Variants in EDC4 observed in about 807,000 individuals in gnomAD.
EDC4 encodes the protein enhancer of mRNA decapping 4, also known as enhancer of mRNA-decapping protein 4.
Under a neutral mutation model 155.8 loss-of-function variants are expected in EDC4, and 64 were observed. That is an observed-to-expected ratio of 0.41 (90% CI 0.34 to 0.51). EDC4 has a LOEUF of 0.51. Ranked by LOEUF, EDC4 falls within the 20% of genes least tolerant of loss-of-function variation. The pLI is 0.19. For missense variants in EDC4, 1,303 were observed against 1,812.5 expected (o/e 0.72, Z 5.10); for synonymous variants, 684 against 716.8 (o/e 0.95, Z 0.73).
Position 67,877,981 on chromosome 16 carries a change from C to T in EDC4, c.894+136C>T. The stretch of plus-strand genomic sequence containing the variant: ...GACTCTGAGCTCAAATTGGCCCTCA[C>T]CTGTGCAGCTTTCTCCTTATCTAGC... On this transcript the variant is annotated intron_variant, in intron 7 of 28. Transcript: ENST00000358933. This position sits in a 1 kb window ranked among gnomAD's most constrained non-coding sequence, Gnocchi z 4.9. 4.7e-6 allele frequency: 7 copies of T among 1,493,442 alleles called. No homozygotes were observed. The highest frequency in any genetic ancestry group is 1.3e-5 in the South Asian group (1 of 77,620). The allele number at this position is 1,493,442 out of a possible 1,614,324, so 92.5% of individuals were successfully genotyped here. A position where few individuals can be genotyped will look rare whatever the true frequency, so the allele number is the denominator to read the frequency against.
chr16:67,884,037 G>A lies in EDC4; in HGVS notation c.4095G>A (p.Val1365=). The A allele has an allele frequency of 1.2e-6, 2 of 1,614,128 alleles. No individual in the cohort carries two copies. The highest frequency in any genetic ancestry group is 1.7e-6 in the Non-Finnish European group (2 of 1,180,016). Residue 1365 remains valine (V), a synonymous_variant, in exon 29 of 29, where the codon GTG becomes GTA. Coordinates refer to ENST00000358933, the MANE Select transcript of EDC4 (RefSeq NM_014329.5). The surrounding 1 kb of genome is among the most constrained non-coding windows in gnomAD (Gnocchi z 4.1). ...RDHMGSVMAQ[V]RQKLFQFLQA... The stretch of plus-strand genomic sequence containing the variant: ...ACATGGGCTCCGTTATGGCCCAGGT[G>A]CGCCAAAAGCTTTTTCAGTTCCTGC...
rs768955365 is a variant in EDC4, at chr16:67,881,107, A to G, written c.2563A>G (p.Ser855Gly). Residue 855 changes from serine to glycine, a missense_variant, in exon 19 of 29, where the codon AGC becomes GGC. Around this residue, in one of 5 missense-constraint regions of EDC4, gnomAD observed 527 missense variants for 757.0 expected, o/e 0.70. Coordinates refer to ENST00000358933, the MANE Select transcript of EDC4 (RefSeq NM_014329.5). The surrounding 1 kb of genome is among the most constrained non-coding windows in gnomAD (Gnocchi z 5.4). Reference sequence around the variant, plus strand: ...GAATGGCCTTCAGGAAAAGCACAAGAGCCTGGCCTTCCACCGACCACCATA... The same window carrying G: ...GAATGGCCTTCAGGAAAAGCACAAGGGCCTGGCCTTCCACCGACCACCATA... ...PRNGLQEKHK[S>G]LAFHRPPYHL... The G allele has an allele frequency of 6.2e-7, 1 of 1,613,954 alleles. No homozygotes were observed. Among genetic ancestry groups the G allele is most frequent in the South Asian group, 1.1e-5 (1 of 91,070 alleles).
Position 67,877,061 on chromosome 16 carries a change from A to T in EDC4, c.451+89A>T. 6.4e-7 allele frequency: 1 copy of T among 1,568,170 alleles called. No individual in the cohort carries two copies. The highest frequency in any genetic ancestry group is 8.7e-7 in the Non-Finnish European group (1 of 1,155,696). The stretch of plus-strand genomic sequence containing the variant: ...ATCAGGCCACTCAGGCCTTAGGGGT[A>T]CAATGGAAGGTTTGTCCATGCTGCC... On this transcript the variant is annotated intron_variant, in intron 4 of 28. Transcript: ENST00000358933. This position sits in a 1 kb window ranked among gnomAD's most constrained non-coding sequence, Gnocchi z 4.9.
At position 67,884,156 on chromosome 16, in the gene EDC4, G is replaced by C; in HGVS notation, c.*8G>C. ...ACCCCCAGCCTCCCTTAGCTGCTAA[G>C]CCTGCCTTGCCCAGGGGTGGGATGG... On this transcript the variant is annotated 3_prime_UTR_variant, in exon 29 of 29. Coordinates refer to ENST00000358933, the MANE Select transcript of EDC4 (RefSeq NM_014329.5). This position sits in a 1 kb window ranked among gnomAD's most constrained non-coding sequence, Gnocchi z 4.1. The C allele has an allele frequency of 6.3e-7, 1 of 1,598,820 alleles. No individual in the cohort carries two copies. The highest frequency in any genetic ancestry group is 1.1e-5 in the South Asian group (1 of 89,296).
At position 67,878,634 on chromosome 16, in the gene EDC4, A is replaced by G; in HGVS notation, c.1184+3A>G. ...TGGACCTGCCTGCAGACTATTCGGT[A>G]AGCAGTGGCTGGAAGGCTGGGGGAC... On this transcript the variant is annotated splice_donor_region_variant and intron_variant, in intron 10 of 28. Coordinates refer to ENST00000358933, the MANE Select transcript of EDC4 (RefSeq NM_014329.5). The surrounding 1 kb of genome is among the most constrained non-coding windows in gnomAD (Gnocchi z 5.2). 1 of 1,614,172 alleles carries G rather than the reference A, an allele frequency of 6.2e-7. No homozygotes were observed. Among genetic ancestry groups the G allele is most frequent in the South Asian group, 1.1e-5 (1 of 91,080 alleles).
In EDC4 at chr16:67,876,757, A is replaced by G; in HGVS notation, c.352-116A>G. On this transcript the variant is annotated intron_variant, in intron 3 of 28. Coordinates refer to ENST00000358933, the MANE Select transcript of EDC4 (RefSeq NM_014329.5). This position sits in a 1 kb window ranked among gnomAD's most constrained non-coding sequence, Gnocchi z 5.8. ...CAAGCCTCTGTGGGAGTCTGGCTCCAGGAGGTAACAGTGGGTAGCTGGACT... is the reference window on the plus strand; with the variant it reads ...CAAGCCTCTGTGGGAGTCTGGCTCCGGGAGGTAACAGTGGGTAGCTGGACT... The G allele has an allele frequency of 3.2e-6, 5 of 1,560,902 alleles. No individual in the cohort carries two copies. Among genetic ancestry groups the G allele is most frequent in the Admixed American group, 1.8e-5 (1 of 55,316 alleles).
chr16:67,882,424 C>T lies in EDC4; in HGVS notation c.3277-5C>T, dbSNP rs1272499650. The T allele has an allele frequency of 3.7e-6, 6 of 1,613,262 alleles. No homozygotes were observed. Among genetic ancestry groups the T allele is most frequent in the African/African-American group, 2.7e-5 (2 of 74,924 alleles). On this transcript the variant is annotated splice_region_variant and splice_polypyrimidine_tract_variant and intron_variant, in intron 24 of 28. Transcript: ENST00000358933. The surrounding 1 kb of genome is among the most constrained non-coding windows in gnomAD (Gnocchi z 7.2). ...TTTCAACTTGGCCCCTCCCTCTAAC[C>T]CCAGAACTTGACTGATGCCATCGCC...
At position 67,881,365 on chromosome 16, in the gene EDC4, G is replaced by A. The variant is rs372162089; in HGVS notation, c.2737G>A (p.Gly913Arg). The A allele has an allele frequency of 2.5e-5, 40 of 1,614,144 alleles. No individual in the cohort carries two copies. The Admixed American group carries it at 5.2e-4, about 21-fold the overall frequency. ...RLPAKDWKTK[G>R]SPRTSPKLKR... ...GCCTGCCAAGGACTGGAAGACCAAG[G>A]GATCCCCTCGAACCTCACCCAAGCT... Residue 913 changes from glycine (G) to arginine (R), a missense_variant, in exon 20 of 29, where the codon GGA (glycine) becomes AGA (arginine). By Grantham distance (125) the Gly-to-Arg change is moderately radical. Transcript: ENST00000358933. This position sits in a 1 kb window ranked among gnomAD's most constrained non-coding sequence, Gnocchi z 5.4.
At position 67,879,240 on chromosome 16, in the gene EDC4, G is replaced by T; in HGVS notation, c.1472G>T (p.Gly491Val). The T allele has an allele frequency of 6.2e-7, 1 of 1,614,210 alleles. No individual in the cohort carries two copies. The highest frequency in any genetic ancestry group is 8.5e-7 in the Non-Finnish European group (1 of 1,180,034). ...EEENDSLGAD[G>V]THGAGAMESA... is the part of the protein sequence containing the mutation. The stretch of plus-strand genomic sequence containing the variant: ...ATCATCCACACTGTCCTTTCAGATG[G>T]TACCCATGGAGCCGGTGCCATGGAG... Residue 491 changes from glycine to valine, a missense_variant, in exon 13 of 29, where the codon GGT (glycine) becomes GTT (valine). Physicochemically the swap from Gly to Val is moderately radical, Grantham distance 109. Transcript: ENST00000358933. This position sits in a 1 kb window ranked among gnomAD's most constrained non-coding sequence, Gnocchi z 6.0.
rs201486491 is a variant in EDC4, at chr16:67,880,009, G to A, written c.1943+38G>A. 2,455 of 1,589,856 alleles carry A rather than the reference G, an allele frequency of 1.5e-3. 29 individuals are homozygous for A. Among genetic ancestry groups the A allele is most frequent in the South Asian group, 0.014 (1,215 of 88,010 alleles). The stretch of plus-strand genomic sequence containing the variant: ...TCAGAGATGGAGGATGGCAGGGGCT[G>A]GTACCAGATGATGCCAAGCTCTGGC... On this transcript the variant is annotated intron_variant, in intron 16 of 28. Transcript: ENST00000358933. This position sits in a 1 kb window ranked among gnomAD's most constrained non-coding sequence, Gnocchi z 5.2.
chr16:67,875,920 T>C, intron 1 of EDC4, 25 bp from the exon 2 acceptor site: 1 of 1,604,848 alleles, frequency 6.2e-7, no homozygotes, highest in Non-Finnish European at 8.5e-7. Flanking sequence ...AGCAACCTTA[T>C]CAGAATGACC....
In EDC4 at chr16:67,879,028, C is replaced by T. The variant is rs373148601; in HGVS notation, c.1359C>T (p.Phe453=). ...CCTGCTTCAGCTCCATCTCGGAGTT[C>T]CTGCTCACCCACCCTGTGCTGAGCT... ...GHACFSSISE[F]LLTHPVLSFG... Residue 453 remains phenylalanine, a synonymous_variant, in exon 12 of 29, where the codon TTC becomes TTT. Coordinates refer to ENST00000358933, the MANE Select transcript of EDC4 (RefSeq NM_014329.5). This position sits in a 1 kb window ranked among gnomAD's most constrained non-coding sequence, Gnocchi z 6.0. 7.4e-6 allele frequency: 12 copies of T among 1,612,588 alleles called. No individual in the cohort carries two copies. The highest frequency in any genetic ancestry group is 1.0e-5 in the Non-Finnish European group (12 of 1,179,948).
Position 67,877,612 on chromosome 16 carries a change from T to C in EDC4, c.745T>C (p.Cys249Arg). The C allele has an allele frequency of 6.2e-7, 1 of 1,614,164 alleles. No individual in the cohort carries two copies. Among genetic ancestry groups the C allele is most frequent in the Non-Finnish European group, 8.5e-7 (1 of 1,180,030 alleles). ...PFIPEESEDCCEESSPTVALL... is the reference protein window; with the variant it reads ...PFIPEESEDCREESSPTVALL... ...CATCCCTGAGGAGAGCGAAGACTGC[T>C]GTGAGGAGAGCAGCCCAACAGTGGC... The change falls in exon 6 of 29, where the codon TGT becomes CGT. Residue 249 changes from cysteine to arginine, a missense_variant. By Grantham distance (180) the Cys-to-Arg change is radical (BLOSUM62 -3). Around this residue, in one of 5 missense-constraint regions of EDC4, gnomAD observed 235 missense variants for 367.7 expected, o/e 0.64. Coordinates refer to ENST00000358933, the MANE Select transcript of EDC4 (RefSeq NM_014329.5). This position sits in a 1 kb window ranked among gnomAD's most constrained non-coding sequence, Gnocchi z 4.9.
Position 67,879,852 on chromosome 16 carries a change from C to T in EDC4, c.1824C>T (p.Ile608=), listed in dbSNP as rs1290587567. The T allele has an allele frequency of 6.2e-7, 1 of 1,613,626 alleles. No homozygotes were observed. The highest frequency in any genetic ancestry group is 8.5e-7 in the Non-Finnish European group (1 of 1,179,898). Residue 608 remains isoleucine, a splice_region_variant and synonymous_variant, in exon 16 of 29, where the codon ATC becomes ATT. Transcript: ENST00000358933. The surrounding 1 kb of genome is among the most constrained non-coding windows in gnomAD (Gnocchi z 6.0). ...FMTPSASLQQ[I]TASPSSSSSG... ...TCTTATTTCCTGCATCTCCCCAGAT[C>T]ACTGCCTCTCCCAGCAGCAGCAGCA... is the stretch of plus-strand genomic sequence containing the variant.
rs765943856 is a variant in EDC4 at position 67,876,640 on chromosome 16, C to G, written c.351+41C>G. The G allele has an allele frequency of 6.2e-7, 1 of 1,606,974 alleles. No homozygotes were observed. The highest frequency in any genetic ancestry group is 2.2e-5 in the East Asian group (1 of 44,764). ...CTGTGGCATATATAATGTACGGGGG[C>G]ACACCCAGCCTTTCCAGTCTCCCTC... On this transcript the variant is annotated intron_variant, in intron 3 of 28. Coordinates refer to ENST00000358933, the MANE Select transcript of EDC4 (RefSeq NM_014329.5). The surrounding 1 kb of genome is among the most constrained non-coding windows in gnomAD (Gnocchi z 5.8).
Position 67,881,335 on chromosome 16 carries a change from C to T in EDC4, c.2707C>T (p.Arg903Trp), listed in dbSNP as rs768546416. Residue 903 changes from arginine to tryptophan, a missense_variant, in exon 20 of 29, where the codon CGG (arginine) becomes TGG (tryptophan). By Grantham distance (101) the Arg-to-Trp change is moderately radical. Around this residue, in one of 5 missense-constraint regions of EDC4, gnomAD observed 527 missense variants for 757.0 expected, o/e 0.70. Coordinates refer to ENST00000358933, the MANE Select transcript of EDC4 (RefSeq NM_014329.5). The surrounding 1 kb of genome is among the most constrained non-coding windows in gnomAD (Gnocchi z 5.4). ...CTTTGGCACCAAAGTTCCTGCTCCA[C>T]GGCTGCCTGCCAAGGACTGGAAGAC... is the stretch of plus-strand genomic sequence containing the variant. Reference protein sequence around the residue: ...GGFGTKVPAPRLPAKDWKTKG... With the variant: ...GGFGTKVPAPWLPAKDWKTKG... 4 of 1,614,176 alleles carry T rather than the reference C, an allele frequency of 2.5e-6. No homozygotes were observed. Among genetic ancestry groups the T allele is most frequent in the East Asian group, 2.2e-5 (1 of 44,880 alleles).
Position 67,879,083 on chromosome 16 carries a change from C to T in EDC4, c.1414C>T (p.Leu472=). ...TATCCAGGTTGTGAGTCGCTGCCGG[C>T]TACGGCACACTGAGGTGCTGCCTGC... ...FGIQVVSRCR[L]RHTEVLPAEE... Residue 472 remains leucine (L), a synonymous_variant, in exon 12 of 29, where the codon CTA becomes TTA. Transcript: ENST00000358933. The surrounding 1 kb of genome is among the most constrained non-coding windows in gnomAD (Gnocchi z 6.0). 1 of 1,613,844 alleles carries T rather than the reference C, an allele frequency of 6.2e-7. No homozygotes were observed. Among genetic ancestry groups the T allele is most frequent in the Non-Finnish European group, 8.5e-7 (1 of 1,180,008 alleles).
In EDC4 at chr16:67,878,057, C is replaced by A; in HGVS notation, c.895-109C>A. ...TAGGAACCCTGTTCATTTAGTCAGT[C>A]ACACAAGCATGCCAGTCCCACCGTG... On this transcript the variant is annotated intron_variant, in intron 7 of 28. Transcript: ENST00000358933. The surrounding 1 kb of genome is among the most constrained non-coding windows in gnomAD (Gnocchi z 5.2). The A allele has an allele frequency of 6.5e-7, 1 of 1,534,262 alleles. No homozygotes were observed. Among genetic ancestry groups the A allele is most frequent in the Non-Finnish European group, 8.8e-7 (1 of 1,137,124 alleles).
Position 67,878,517 on chromosome 16 carries a change from C to T in EDC4, c.1089-19C>T. The T allele has an allele frequency of 6.2e-7, 1 of 1,614,254 alleles. No homozygotes were observed. Among genetic ancestry groups the T allele is most frequent in the Non-Finnish European group, 8.5e-7 (1 of 1,180,048 alleles). ...AGCAGGGGCCCCAGCCAGTCACTCACTGCCTTGTTGCCTTGCAGTGTCCCT... is the reference window on the plus strand; with the variant it reads ...AGCAGGGGCCCCAGCCAGTCACTCATTGCCTTGTTGCCTTGCAGTGTCCCT... On this transcript the variant is annotated intron_variant, in intron 9 of 28. Coordinates refer to ENST00000358933, the MANE Select transcript of EDC4 (RefSeq NM_014329.5). The surrounding 1 kb of genome is among the most constrained non-coding windows in gnomAD (Gnocchi z 5.2).
Sources: gnomAD v4.1 joint callset for allele counts on GRCh38, gnomAD v4.1.1 for gene constraint, gnomAD v4.1.1 regional missense constraint, Gnocchi (gnomAD v3.1) non-coding constraint, MANE v1.5 for transcripts, NCBI Gene and HGNC (gene_info 2026-07-23, HGNC 2026-07-21) for gene names.